ZNF609: variants seen among roughly 807,000 people sequenced by gnomAD.
The protein encoded by ZNF609 is zinc finger protein 609.
A neutral mutation model predicts 109.5 loss-of-function variants in ZNF609; 11 were observed. That is an observed-to-expected ratio of 0.10 (90% CI 0.06 to 0.17). The LOEUF (loss-of-function observed/expected upper bound fraction) is 0.17. Among genes scored for constraint, ZNF609 ranks in the 10% least tolerant of loss-of-function variants. The pLI is 1.00. For missense variants in ZNF609, 1,559 were observed against 1,772.4 expected (o/e 0.88, Z 2.16); for synonymous variants, 646 against 662.0 (o/e 0.98, Z 0.37).
intron 2 of ZNF609, among the ~76,000 whole-genome samples, chr15:64,583,356 A>T (rs1240096324): frequency 6.6e-6 from 1 of 151,930 alleles, no homozygotes; most frequent in African/African-American, 2.4e-5. Context: ...AAAATAAAAA[A>T]TAAAAATTAA....
intron 3 of ZNF609, among the ~76,000 whole-genome samples, chr15:64,653,628 A>G (rs1451283000): frequency 6.6e-6 from 1 of 152,158 alleles, no homozygotes; most frequent in Admixed American, 6.5e-5. Flanking sequence ...CCTGGACGAC[A>G]GAGCTAGACT....
chr15:64,479,320 C>T (rs1173307328), intron 1 of ZNF609, among the ~76,000 whole-genome samples: 1 of 101,814 alleles, frequency 9.8e-6, no homozygotes, highest in Admixed American at 1.6e-4. Context: ...GAGACAGAGT[C>T]TCGCCCTGTT....
intron 2 of ZNF609, among the ~76,000 whole-genome samples, chr15:64,562,703 A>G (rs1447938033): frequency 6.6e-6 from 1 of 150,972 alleles, no homozygotes; most frequent in Non-Finnish European, 1.5e-5. Context: ...TGATTGTCGT[A>G]ATTAAACTAT....
In ZNF609 at chr15:64,678,283, C is replaced by T. The variant is rs1024842302; in HGVS notation, c.3570C>T (p.Asp1190=). The T allele has an allele frequency of 6.8e-6, 11 of 1,614,218 alleles. No homozygotes were observed. Among genetic ancestry groups the T allele is most frequent in the Non-Finnish European group, 8.5e-6 (10 of 1,180,042 alleles). ...ATGGGAAGGAAAGCACAAGTAGTGA[C>T]TGCAAGCTGCCCACGTCAGAGGAGT... The part of the protein sequence containing the change: ...KEDGKESTSS[D]CKLPTSEESR... The change falls in exon 6 of 10, where the codon GAC becomes GAT. Residue 1190 remains aspartate, a synonymous_variant. Coordinates refer to ENST00000326648, the MANE Select transcript of ZNF609 (RefSeq NM_015042.2).
chr15:64,631,590 T>C, intron 3 of ZNF609: 1 of 448,454 alleles, frequency 2.2e-6, no homozygotes. Context: ...TGGAGTGCAA[T>C]GGCGCAATCT....
At chr15:64,497,826 G>A (rs542470787) in intron 1 of ZNF609, among the ~76,000 whole-genome samples, 32 of 151,648 alleles carry the variant, frequency 2.1e-4, no homozygotes, top group African/African-American at 5.8e-4. Flanking sequence ...GCTTGAACCC[G>A]GGAGGCAGAG....
In ZNF609 at chr15:64,573,346, C is replaced by CTTTTTT. The variant is rs71133442; in HGVS notation, c.748-49460_748-49455dup. Among the ~76,000 whole-genome samples, 210 of 72,972 alleles carry CTTTTTT rather than the reference C, an allele frequency of 2.9e-3. 48 individuals carry two copies. Among genetic ancestry groups the CTTTTTT allele is most frequent in the South Asian group, 7.7e-3 (14 of 1,808 alleles). 47.9% of individuals were successfully genotyped at this position (72,972 alleles called of 152,430 possible). ...GCAGTAGAGTTAGTGGCCCAACTTT[C>CTTTTTT]TTTTTTTTTTTTTTTTTTTTTTTTT... On this transcript the variant is annotated intron_variant, in intron 2 of 9. Transcript: ENST00000326648.
intron 2 of ZNF609, among the ~76,000 whole-genome samples, chr15:64,544,688 T>G (rs987345927): frequency 6.6e-6 from 1 of 152,238 alleles, no homozygotes; most frequent in African/African-American, 2.4e-5. Context: ...TGTCAGGCTG[T>G]CCAGAGTTCT....
chr15:64,583,005 C>T (rs940230156), intron 2 of ZNF609, among the ~76,000 whole-genome samples: 5 of 150,920 alleles, frequency 3.3e-5, no homozygotes, highest in Admixed American at 2.0e-4. Flanking sequence ...CCTGCCTCGG[C>T]CTTCCAAAGT....
chr15:64,594,526 C>T (rs1160417190), intron 2 of ZNF609, among the ~76,000 whole-genome samples: 1 of 151,420 alleles, frequency 6.6e-6, no homozygotes, highest in Non-Finnish European at 1.5e-5. Flanking sequence ...TTGGTAAAGA[C>T]CGGGTTTCAC....
At chr15:64,573,841 C>G (rs1894903631) in intron 2 of ZNF609, among the ~76,000 whole-genome samples, 1 of 151,406 alleles carries the variant, frequency 6.6e-6, no homozygotes, top group Non-Finnish European at 1.5e-5. Context: ...CCTTGCAACC[C>G]CAAATCCAAA....
intron 2 of ZNF609, among the ~76,000 whole-genome samples, chr15:64,600,668 G>A (rs1447511863): frequency 1.4e-5 from 2 of 141,200 alleles, no homozygotes; most frequent in Non-Finnish European, 3.1e-5. Context: ...GATGGCGGGG[G>A]TGGGGGCGGG....
At chr15:64,668,952 CAAAAAAAA>C (rs538954402) in intron 3 of ZNF609, among the ~76,000 whole-genome samples, 81 of 34,970 alleles carry the variant, frequency 2.3e-3, no homozygotes, top group African/African-American at 2.8e-3. Flanking sequence ...AACTCCGTCT[CAAAAAAAA>C]AAAAAAAAAA....
rs759443222 is a variant in ZNF609, at chr15:64,676,219, G to A, written c.3365G>A (p.Arg1122Gln). ...SEAKTGAECG[R>Q]QAEMDPILWY... The stretch of plus-strand genomic sequence containing the variant: ...GCCAAGACAGGTGCTGAGTGTGGTC[G>A]ACAGGCAGAGATGGATCCAATACTC... The change falls in exon 5 of 10, where the codon CGA becomes CAA. Residue 1122 changes from arginine to glutamine, a missense_variant. Around this residue, in one of 4 missense-constraint regions of ZNF609, gnomAD observed 1,204 missense variants for 1,314.1 expected, o/e 0.92. Coordinates refer to ENST00000326648, the MANE Select transcript of ZNF609 (RefSeq NM_015042.2). 26 of 1,613,364 alleles carry A rather than the reference G, an allele frequency of 1.6e-5. No homozygotes were observed. The highest frequency in any genetic ancestry group is 2.0e-5 in the Non-Finnish European group (24 of 1,179,720).
chr15:64,490,725 T>C (rs1489251558), intron 1 of ZNF609, among the ~76,000 whole-genome samples: 1 of 152,198 alleles, frequency 6.6e-6, no homozygotes, highest in African/African-American at 2.4e-5. Flanking sequence ...ATTTACATAT[T>C]CAGGATACCA....
intron 1 of ZNF609, among the ~76,000 whole-genome samples, chr15:64,494,306 G>A (rs762363865): frequency 6.6e-6 from 1 of 152,134 alleles, no homozygotes; most frequent in African/African-American, 2.4e-5. Flanking sequence ...ACACACAGGA[G>A]AATCTTTTAT....
At chr15:64,657,568 C>A (rs959904128) in intron 3 of ZNF609, among the ~76,000 whole-genome samples, 12 of 152,092 alleles carry the variant, frequency 7.9e-5, no homozygotes, top group Non-Finnish European at 1.8e-4. Context: ...GAGCTGAGAT[C>A]GCGCTACTGC....
At chr15:64,589,154 T>C (rs2140936612) in intron 2 of ZNF609, among the ~76,000 whole-genome samples, 1 of 152,290 alleles carries the variant, frequency 6.6e-6, no homozygotes, top group South Asian at 2.1e-4. Context: ...CCCTGCCTTG[T>C]GTGGACATGT....
intron 2 of ZNF609, among the ~76,000 whole-genome samples, chr15:64,539,611 C>T (rs976432200): frequency 6.6e-6 from 1 of 152,194 alleles, no homozygotes; most frequent in Non-Finnish European, 1.5e-5. Context: ...TCAAGCGATT[C>T]TCCTGCCTCA....
Sources: gnomAD v4.1 joint callset for allele counts (sites outside exome capture counted in the v4.1 genomes callset) on GRCh38, gnomAD v4.1.1 for gene constraint, gnomAD v4.1.1 regional missense constraint, MANE v1.5 for transcripts, NCBI Gene and HGNC (gene_info 2026-07-23, HGNC 2026-07-21) for gene names.